DLGAP2: variants seen among roughly 807,000 people sequenced by gnomAD.
The protein encoded by DLGAP2 is disks large-associated protein 2.
DLGAP2 carries 26 observed loss-of-function variants against 100.3 expected under a neutral mutation model. The observed-to-expected ratio is 0.26, with a 90% CI of 0.19 to 0.36. The LOEUF (loss-of-function observed/expected upper bound fraction) is 0.36, where lower values mean the gene tolerates loss of function less well. DLGAP2 is among the 10% of genes least tolerant of loss of function. The probability of loss-of-function intolerance (pLI) is 1.00; values close to 1 mark genes in which losing one functional copy is unlikely to be tolerated. For missense variants in DLGAP2, 1,858 were observed against 1,453.2 expected, an observed-to-expected ratio of 1.28 and a Z score of -4.53; for synonymous variants, 886 against 630.1, an observed-to-expected ratio of 1.41 and a Z score of -6.08.
chr8:1,004,319 TG>T (rs1221032001), intron 2 of DLGAP2, among the ~76,000 whole-genome samples: 3 of 152,242 alleles, frequency 2.0e-5, no homozygotes, highest in African/African-American at 4.8e-5. Flanking sequence ...AACCAGCATT[TG>T]GCCACTTTAA....
At chr8:1,448,037 G>C (rs1798031075) in intron 3 of DLGAP2, among the ~76,000 whole-genome samples, 1 of 152,048 alleles carries the variant, frequency 6.6e-6, no homozygotes, top group African/African-American at 2.4e-5. Flanking sequence ...CAAAAAACCA[G>C]CTCCTGGATT....
At chr8:1,247,637 C>T (rs199746378) in intron 2 of DLGAP2, among the ~76,000 whole-genome samples, 3 of 2,022 alleles carry the variant, frequency 1.5e-3, no homozygotes, top group South Asian at 7.6e-3. Flanking sequence ...CGTCGGTGGC[C>T]GGGAAGACCT....
At chr8:1,257,015 G>T (rs1381952311) in intron 2 of DLGAP2, among the ~76,000 whole-genome samples, 3 of 152,074 alleles carry the variant, frequency 2.0e-5, no homozygotes, top group African/African-American at 7.2e-5. Flanking sequence ...TTCTACTTCA[G>T]GTCCTGCCCT....
intron 2 of DLGAP2, among the ~76,000 whole-genome samples, chr8:1,200,121 G>T (rs1458249153): frequency 6.6e-6 from 1 of 152,182 alleles, no homozygotes; most frequent in East Asian, 1.9e-4. Flanking sequence ...CGTGGGGGCC[G>T]GGAGCGGATC....
intron 2 of DLGAP2, among the ~76,000 whole-genome samples, chr8:1,085,857 G>C (rs139919108): frequency 9.7e-4 from 147 of 152,290 alleles, no homozygotes; most frequent in African/African-American, 3.4e-3. Context: ...ATCCCTTTGG[G>C]TATGATGGAC....
At chr8:1,353,324 T>C (rs892545888) in intron 3 of DLGAP2, among the ~76,000 whole-genome samples, 1 of 152,232 alleles carries the variant, frequency 6.6e-6, no homozygotes, top group Non-Finnish European at 1.5e-5. Context: ...TGTTTTACTT[T>C]ATGATGCTGT....
At chr8:1,023,590 C>G (rs988338332) in intron 2 of DLGAP2, among the ~76,000 whole-genome samples, 1 of 151,018 alleles carries the variant, frequency 6.6e-6, no homozygotes, top group Admixed American at 6.6e-5. Flanking sequence ...TTCAGCGCAA[C>G]AGTGTCGGCA....
chr8:1,460,038 C>T (rs1310572919), intron 3 of DLGAP2, among the ~76,000 whole-genome samples: 1 of 152,182 alleles, frequency 6.6e-6, no homozygotes, highest in Non-Finnish European at 1.5e-5. Context: ...CTGGAATTGA[C>T]AGAGGGACCA....
chr8:1,704,107 T>C lies in DLGAP2; in HGVS notation c.*2701T>C, dbSNP rs879320471. ...TAAAGAAAAATAAAACTGTTTATGA[T>C]ACTTGTGTTAGTCACTCGAGCTAGC... On this transcript the variant is annotated 3_prime_UTR_variant, in exon 15 of 15. Coordinates refer to ENST00000637795, the MANE Select transcript of DLGAP2 (RefSeq NM_001346810.2). The C allele has an allele frequency of 1.3e-5, 2 of 152,668 alleles. No homozygotes were observed. The highest frequency in any genetic ancestry group is 2.9e-5 in the Non-Finnish European group (2 of 68,042). 9.5% of individuals were successfully genotyped at this position (152,668 alleles called of 1,614,324 possible).
intron 2 of DLGAP2, among the ~76,000 whole-genome samples, chr8:1,163,754 G>C (rs1334243827): frequency 6.6e-6 from 1 of 152,224 alleles, no homozygotes; most frequent in African/African-American, 2.4e-5. Context: ...GCCGCCGCGG[G>C]TGCAGGACTT....
intron 1 of DLGAP2, among the ~76,000 whole-genome samples, chr8:754,987 A>G (rs1205279013): frequency 6.6e-6 from 1 of 152,172 alleles, no homozygotes; most frequent in African/African-American, 2.4e-5. Flanking sequence ...TGCTCACAAT[A>G]TGGTCTTCTA....
intron 3 of DLGAP2, among the ~76,000 whole-genome samples, chr8:1,442,209 G>A (rs1342951740): frequency 1.9e-5 from 2 of 102,950 alleles, no homozygotes; most frequent in Non-Finnish European, 4.8e-5. Context: ...CTGCTGATGG[G>A]TTCAGCCACC....
intron 3 of DLGAP2, among the ~76,000 whole-genome samples, chr8:1,419,778 G>C (rs953170685): frequency 1.3e-5 from 2 of 152,138 alleles, no homozygotes; most frequent in African/African-American, 4.8e-5. Flanking sequence ...AATTAGTCTA[G>C]CCACTAAGGA....
chr8:1,676,642 C>T lies in DLGAP2; in HGVS notation c.2288+24C>T, dbSNP rs778693739. 9 of 1,598,982 alleles carry T rather than the reference C, an allele frequency of 5.6e-6. No homozygotes were observed. The South Asian group carries it at 7.9e-5, about 14-fold the overall frequency. ...CGGTAACTCAGCCCCTCCTGACACG[C>T]GGTGACCCCCGAGCGAGGGCTCTTT... On this transcript the variant is annotated intron_variant, in intron 11 of 14. Coordinates refer to ENST00000637795, the MANE Select transcript of DLGAP2 (RefSeq NM_001346810.2).
At chr8:1,121,785 C>T (rs13255274) in intron 2 of DLGAP2, among the ~76,000 whole-genome samples, 1 of 151,288 alleles carries the variant, frequency 6.6e-6, no homozygotes, top group Non-Finnish European at 1.5e-5. Flanking sequence ...TCCTTGTCTC[C>T]TTAGAACCCG....
chr8:1,018,733 T>C (rs1801543665), intron 2 of DLGAP2: 1 of 152,262 alleles, frequency 6.6e-6, no homozygotes, highest in Non-Finnish European at 1.5e-5. Flanking sequence ...ACTGGAAATA[T>C]TTTGTTAATT....
intron 1 of DLGAP2, among the ~76,000 whole-genome samples, chr8:876,548 G>A (rs1249929435): frequency 6.6e-6 from 1 of 152,026 alleles, no homozygotes; most frequent in Non-Finnish European, 1.5e-5. Flanking sequence ...TTTTTCTCTT[G>A]TAGCTTTTAA....
intron 3 of DLGAP2, among the ~76,000 whole-genome samples, chr8:1,363,925 TGACA>T (rs1563106740): frequency 6.6e-6 from 1 of 152,142 alleles, no homozygotes. Context: ...GGTCCCTCCC[TGACA>T]GTGACAGCCA....
chr8:1,307,926 G>A (rs1800527624), intron 3 of DLGAP2, among the ~76,000 whole-genome samples: 1 of 148,482 alleles, frequency 6.7e-6, no homozygotes, highest in Admixed American at 6.7e-5. Flanking sequence ...GGAAAAGGAC[G>A]CATTTTGGAG....
Sources: allele counts gnomAD v4.1 joint callset (sites outside exome capture counted in the v4.1 genomes callset), GRCh38; gene constraint gnomAD v4.1.1; transcripts MANE v1.5; gene names NCBI Gene and HGNC (gene_info 2026-07-23, HGNC 2026-07-21).